The following BRD3 variants were observed in gnomAD, a reference collection of about 807,000 sequenced individuals.
BRD3 encodes bromodomain containing 3.
Under a neutral mutation model 66.8 loss-of-function variants are expected in BRD3, and 17 were observed. The ratio of observed to expected loss-of-function variants is 0.25; its 90% CI spans 0.17 to 0.38. The LOEUF (loss-of-function observed/expected upper bound fraction) is 0.38. BRD3 is among the 10% of genes least tolerant of loss of function. The pLI is 1.00. For missense variants in BRD3, 713 were observed against 956.1 expected (o/e 0.75, Z 3.35); for synonymous variants, 421 against 393.2 (o/e 1.07, Z -0.84).
chr9:134,064,469 A>G (rs1423745353), intron 1 of BRD3, among the ~76,000 whole-genome samples: 1 of 152,118 alleles, frequency 6.6e-6, no homozygotes, highest in African/African-American at 2.4e-5. Context: ...TGAACCCAGG[A>G]GGTGGAGGTT....
At chr9:134,051,799 A>G in intron 3 of BRD3, 90 bp from the exon 4 acceptor site, 1 of 1,432,528 alleles carries the variant, frequency 7.0e-7, no homozygotes, top group Non-Finnish European at 9.3e-7. Flanking sequence ...AAAAATATTT[A>G]AAATTTGTTA....
Position 134,034,853 on chromosome 9 carries a change from C to CA in BRD3, c.1937-25dup, listed in dbSNP as rs534893099. On this transcript the variant is annotated intron_variant, in intron 10 of 11. Coordinates refer to ENST00000303407, the MANE Select transcript of BRD3 (RefSeq NM_007371.4). ...TGCTGTCGGGGAACAAATGGGCACT[C>CA]AGACTGCAGAGCAGACCGATGGGGC... 4 of 1,609,888 alleles carry CA rather than the reference C, an allele frequency of 2.5e-6. No individual in the cohort carries two copies. The South Asian group carries it at 3.3e-5, about 13-fold the overall frequency.
chr9:134,062,844 T>C (rs1830573041), intron 1 of BRD3, among the ~76,000 whole-genome samples: 2 of 152,286 alleles, frequency 1.3e-5, no homozygotes. Flanking sequence ...GGGGACTCTC[T>C]TCAGAGGGGC....
chr9:134,053,965 CGTT>C (rs961077794), intron 1 of BRD3: 15 of 172,600 alleles, frequency 8.7e-5, no homozygotes, highest in Non-Finnish European at 4.9e-5. Context: ...GGGGTCGACT[CGTT>C]GCTACTGGGC....
In BRD3 at chr9:134,032,819, G is replaced by C; in HGVS notation, c.*771C>G. ...GGCTGGACTTCCGTAGAAAATTGCC[G>C]AACCTTACAAAAAAAGTCTCCTTTT... On this transcript the variant is annotated 3_prime_UTR_variant, in exon 12 of 12. Transcript: ENST00000303407. 1 of 262,812 alleles carries C rather than the reference G, an allele frequency of 3.8e-6. No individual in the cohort carries two copies. Among genetic ancestry groups the C allele is most frequent in the Non-Finnish European group, 7.1e-6 (1 of 140,344 alleles). The allele number at this position is 262,812 out of a possible 1,614,324, so 16.3% of individuals were successfully genotyped here.
At chr9:134,043,366 G>A (rs1035046017) in intron 7 of BRD3, among the ~76,000 whole-genome samples, 2 of 152,242 alleles carry the variant, frequency 1.3e-5, no homozygotes, top group African/African-American at 2.4e-5. Flanking sequence ...GGCAGCCCAG[G>A]CTCACTGAAG....
At position 134,048,343 on chromosome 9, in the gene BRD3, C is replaced by T. The variant is rs1397263009; in HGVS notation, c.826G>A (p.Val276Met). 1 of 1,599,200 alleles carries T rather than the reference C, an allele frequency of 6.3e-7. No homozygotes were observed. The highest frequency in any genetic ancestry group is 8.5e-7 in the Non-Finnish European group (1 of 1,179,680). Residue 276 changes from valine to methionine, a missense_variant, in exon 6 of 12, where the codon GTG becomes ATG. By Grantham distance (21) the Val-to-Met change is conservative. Around this residue, in one of 5 missense-constraint regions of BRD3, gnomAD observed 418 missense variants for 609.3 expected, o/e 0.69. Coordinates refer to ENST00000303407, the MANE Select transcript of BRD3 (RefSeq NM_007371.4). ...PLSDPKQAKV[V>M]ARRESGGRPI... ...CGGCCACCACTCTCCCGCCGGGCCA[C>T]CACTTTGGCCTGCTTGGGGTCTGAC...
Position 134,030,976 on chromosome 9 carries a change from A to G in BRD3, c.*2614T>C, listed in dbSNP as rs901821846. 4 of 231,198 alleles carry G rather than the reference A, an allele frequency of 1.7e-5. No individual in the cohort carries two copies. The highest frequency in any genetic ancestry group is 8.8e-5 in the African/African-American group (4 of 45,218). The allele number at this position is 231,198 out of a possible 1,614,324, so 14.3% of individuals were successfully genotyped here. Reference sequence around the variant, plus strand: ...AATTGAATCACCGCAGCCTTCTAATACAGAAGAAACGGACGTGACTGTCAC... The same window carrying G: ...AATTGAATCACCGCAGCCTTCTAATGCAGAAGAAACGGACGTGACTGTCAC... On this transcript the variant is annotated 3_prime_UTR_variant, in exon 12 of 12. Transcript: ENST00000303407.
intron 7 of BRD3, among the ~76,000 whole-genome samples, chr9:134,042,674 TATATACACACACACAC>T (rs1830077685): frequency 7.0e-6 from 1 of 141,914 alleles, no homozygotes; most frequent in African/African-American, 2.5e-5. Context: ...CACACACATA[TATATACACACACACAC>T]ATATACACAC....
At chr9:134,048,522 G>A (rs936525538) in intron 5 of BRD3, 68 bp from the exon 6 acceptor site, 41 of 1,584,680 alleles carry the variant, frequency 2.6e-5, no homozygotes, top group East Asian at 1.8e-4. Context: ...CGCTGCAGCC[G>A]CGTTTCTGGG....
intron 7 of BRD3, among the ~76,000 whole-genome samples, chr9:134,042,304 T>C (rs73558800): frequency 0.023 from 3,560 of 152,194 alleles, 121 homozygotes; most frequent in African/African-American, 0.067. Context: ...GGAAACAGTG[T>C]CTTCCCTTGA....
intron 6 of BRD3, among the ~76,000 whole-genome samples, chr9:134,046,416 GGTCCAGGCTGCATTT>G (rs1327616320): frequency 1.3e-5 from 2 of 152,184 alleles, no homozygotes; most frequent in Non-Finnish European, 2.9e-5. Context: ...CGCTCTGTGG[GGTCCAGGCTGCATTT>G]GTCCAGGTGC....
chr9:134,066,869 T>C (rs1029329821), intron 1 of BRD3, among the ~76,000 whole-genome samples: 11 of 152,166 alleles, frequency 7.2e-5, no homozygotes, highest in Non-Finnish European at 1.5e-4. Flanking sequence ...CACTCAAGGA[T>C]TGGGTCGAAC....
At position 134,036,255 on chromosome 9, in the gene BRD3, G is replaced by A. The variant is rs1406956143; in HGVS notation, c.1713C>T (p.Pro571=). Residue 571 remains proline (P), a synonymous_variant, in exon 10 of 12, where the codon CCC becomes CCT. Transcript: ENST00000303407. ...YDSEEEEEGL[P]MSYDEKRQLS... ...GCTGGCGCTTTTCATCGTAGCTCAT[G>A]GGCAGGCCCTCCTCCTCTTCCTCTG... 6.2e-7 allele frequency: 1 copy of A among 1,614,066 alleles called. No individual in the cohort carries two copies. The highest frequency in any genetic ancestry group is 1.7e-5 in the Admixed American group (1 of 60,020).
chr9:134,041,686 G>A, intron 8 of BRD3, 74 bp downstream of exon 8: 1 of 1,526,972 alleles, frequency 6.5e-7, no homozygotes, highest in East Asian at 2.4e-5. Flanking sequence ...CCATGCAAAG[G>A]GACGGACCTT....
rs768187282 is a variant in BRD3, at chr9:134,048,148, C to T, written c.1021G>A (p.Glu341Lys). The change falls in exon 6 of 12, where the codon GAG becomes AAG. Residue 341 changes from glutamate to lysine, a missense_variant. This residue lies in a region of BRD3 where 418 missense variants were observed against 609.3 expected (regional missense o/e 0.69). Transcript: ENST00000303407. ...AWPFYKPVDA[E>K]ALELHDYHDI... is the part of the protein sequence containing the mutation. ...TGGTAGTCGTGCAGCTCCAGGGCCT[C>T]GGCATCCACTGGCTTGTAGAAGGGC... The T allele has an allele frequency of 1.4e-5, 22 of 1,609,012 alleles. No homozygotes were observed. Among genetic ancestry groups the T allele is most frequent in the South Asian group, 4.4e-5 (4 of 90,482 alleles).
chr9:134,044,847 T>C (rs1473241244), intron 7 of BRD3, among the ~76,000 whole-genome samples: 1 of 152,248 alleles, frequency 6.6e-6, no homozygotes, highest in Non-Finnish European at 1.5e-5. Context: ...CTTTTACTTC[T>C]GTTGTCAGAA....
rs771639713 is a variant in BRD3, at chr9:134,030,425, G to C, written c.*3165C>G. On this transcript the variant is annotated 3_prime_UTR_variant, in exon 12 of 12. Transcript: ENST00000303407. ...TCTACCATTTTTATTCTGTTGTGTT[G>C]AGGCCAGCATTGCAATAAACAAGCT... The C allele has an allele frequency of 5.8e-6, 1 of 171,308 alleles. No individual in the cohort carries two copies. Among genetic ancestry groups the C allele is most frequent in the Non-Finnish European group, 1.2e-5 (1 of 83,684 alleles). The allele number at this position is 171,308 out of a possible 1,614,324, so 10.6% of individuals were successfully genotyped here.
intron 1 of BRD3, among the ~76,000 whole-genome samples, chr9:134,062,694 A>C (rs368630218): frequency 5.5e-4 from 84 of 152,246 alleles, no homozygotes; most frequent in African/African-American, 1.8e-3. Context: ...GCGCGTGAGG[A>C]GGCCCGACCC....
Sources: gnomAD v4.1 joint callset for allele counts (sites outside exome capture counted in the v4.1 genomes callset) on GRCh38, gnomAD v4.1.1 for gene constraint, gnomAD v4.1.1 regional missense constraint, MANE v1.5 for transcripts, NCBI Gene and HGNC (gene_info 2026-07-23, HGNC 2026-07-21) for gene names.